Variants in TEK observed in about 807,000 individuals in gnomAD.
The protein encoded by TEK is TEK receptor tyrosine kinase, also known as angiopoietin-1 receptor.
In TEK, 43 loss-of-function variants were observed where a neutral mutation model predicts 131.8. The ratio of observed to expected loss-of-function variants is 0.33; its 90% CI spans 0.26 to 0.42. The LOEUF is 0.42. Among genes scored for constraint, TEK ranks in the 10% least tolerant of loss-of-function variants. The pLI, the probability that TEK is intolerant of heterozygous loss-of-function variation, is 1.00. For synonymous variants in TEK, 580 were observed against 491.6 expected (o/e 1.18, Z -2.38); for missense variants, 1,162 against 1,384.4 (o/e 0.84, Z 2.55).
At chr9:27,127,820 G>T (rs1423033647) in intron 1 of TEK, among the ~76,000 whole-genome samples, 2 of 152,168 alleles carry the variant, frequency 1.3e-5, no homozygotes, top group Non-Finnish European at 2.9e-5. Flanking sequence ...TTTTGATGGG[G>T]TTGTTTGATT....
At chr9:27,226,598 T>A (rs2131262827) in intron 21 of TEK, among the ~76,000 whole-genome samples, 1 of 152,056 alleles carries the variant, frequency 6.6e-6, no homozygotes, top group Middle Eastern at 3.4e-3. Context: ...AGGGGAGGGA[T>A]AGCATTAGGA....
chr9:27,173,523 T>C (rs1021122428), intron 6 of TEK, among the ~76,000 whole-genome samples, 161 bp downstream of exon 6: 6 of 152,194 alleles, frequency 3.9e-5, no homozygotes, highest in Non-Finnish European at 7.3e-5. Flanking sequence ...CAATGTTAAT[T>C]ATACTTTCAC....
chr9:27,138,181 AT>A (rs1822570935), intron 1 of TEK, among the ~76,000 whole-genome samples: 1 of 152,210 alleles, frequency 6.6e-6, no homozygotes, highest in Admixed American at 6.5e-5. Context: ...CAGCAGCAAG[AT>A]TTATTGTGAA....
rs541493547 is a variant in TEK at position 27,142,061 on chromosome 9, A to G, written c.53-15770A>G. ...GAAATAATGTCACAATGTCCAGGAA[A>G]GGAAAGCTTGCAGGGAGTTTGGGGC... On this transcript the variant is annotated intron_variant, in intron 1 of 22. Coordinates refer to ENST00000380036, the MANE Select transcript of TEK (RefSeq NM_000459.5). Among the ~76,000 whole-genome samples the G allele has an allele frequency of 2.0e-5, 3 of 152,346 alleles. No individual in the cohort carries two copies. In the South Asian group the frequency reaches 6.2e-4, roughly 32 times the overall value.
At chr9:27,126,889 C>T (rs1489656962) in intron 1 of TEK, among the ~76,000 whole-genome samples, 1 of 152,166 alleles carries the variant, frequency 6.6e-6, no homozygotes, top group South Asian at 2.1e-4. Flanking sequence ...TCCTCACTCA[C>T]ACCCATTACA....
intron 6 of TEK, among the ~76,000 whole-genome samples, chr9:27,175,976 A>G (rs1173685537): frequency 1.3e-5 from 2 of 152,162 alleles, no homozygotes; most frequent in Non-Finnish European, 2.9e-5. Flanking sequence ...GCCCAGGTTT[A>G]TAAGAGTACA....
chr9:27,196,227 G>T (rs915824207), intron 11 of TEK, among the ~76,000 whole-genome samples: 6 of 152,098 alleles, frequency 3.9e-5, no homozygotes, highest in Non-Finnish European at 8.8e-5. Context: ...ACATGTACTT[G>T]AAGTCTCTTT....
At chr9:27,173,164 A>G (rs1428701018) in intron 5 of TEK, 58 bp from the exon 6 acceptor site, 6 of 1,601,946 alleles carry the variant, frequency 3.7e-6, no homozygotes, top group Non-Finnish European at 5.1e-6. Flanking sequence ...CTAAAGAATT[A>G]TGTATTTCAA....
chr9:27,223,007 G>A (rs1386476782), intron 21 of TEK, among the ~76,000 whole-genome samples: 2 of 151,958 alleles, frequency 1.3e-5, no homozygotes, highest in South Asian at 4.2e-4. Context: ...AACCAACAAA[G>A]ATCAAAGGAG....
At chr9:27,200,396 TAAAC>T (rs1825173969) in intron 12 of TEK, among the ~76,000 whole-genome samples, 1 of 152,192 alleles carries the variant, frequency 6.6e-6, no homozygotes, top group African/African-American at 2.4e-5. Flanking sequence ...TTTATAGGAT[TAAAC>T]AAAAACTAGT....
At chr9:27,136,721 A>T (rs949861594) in intron 1 of TEK, among the ~76,000 whole-genome samples, 7 of 152,136 alleles carry the variant, frequency 4.6e-5, no homozygotes, top group Non-Finnish European at 7.3e-5. Context: ...AGTCTCCCCT[A>T]TCTGTTCAAG....
At chr9:27,132,289 T>C (rs1373539099) in intron 1 of TEK, among the ~76,000 whole-genome samples, 1 of 152,064 alleles carries the variant, frequency 6.6e-6, no homozygotes, top group Admixed American at 6.5e-5. Flanking sequence ...GGTTTCACCA[T>C]GTTGGTCAGG....
intron 2 of TEK, among the ~76,000 whole-genome samples, chr9:27,165,061 T>A (rs1823676674): frequency 6.6e-6 from 1 of 152,184 alleles, no homozygotes; most frequent in African/African-American, 2.4e-5. Context: ...GAGACATTCA[T>A]GCAGAGGTAA....
At chr9:27,218,130 T>TTGGGG (rs9298888) in intron 19 of TEK, among the ~76,000 whole-genome samples, 4,349 of 138,888 alleles carry the variant, frequency 0.031, 192 homozygotes, top group African/African-American at 0.075. Flanking sequence ...GGCCAGACAG[T>TTGGGG]GGCGGGGGTC....
chr9:27,114,687 C>T (rs528187028), intron 1 of TEK, among the ~76,000 whole-genome samples: 97 of 152,228 alleles, frequency 6.4e-4, no homozygotes, highest in African/African-American at 2.1e-3. Context: ...GATATTCACT[C>T]TCATCTTAAA....
At chr9:27,158,268 T>A in intron 2 of TEK, 126 bp downstream of exon 2, 1 of 1,148,412 alleles carries the variant, frequency 8.7e-7, no homozygotes, top group Non-Finnish European at 1.3e-6. Context: ...CGATCTTGCC[T>A]GTCTCTTTCC....
intron 6 of TEK, among the ~76,000 whole-genome samples, chr9:27,178,498 A>T (rs902447689): frequency 1.3e-5 from 2 of 152,130 alleles, no homozygotes; most frequent in Admixed American, 1.3e-4. Flanking sequence ...TCTGTGAAAA[A>T]TACCATTGCA....
rs371936891 is a variant in TEK, at chr9:27,209,115, T to C, written c.2576-6T>C. 77 of 1,606,588 alleles carry C rather than the reference T, an allele frequency of 4.8e-5. No individual in the cohort carries two copies. Among genetic ancestry groups the C allele is most frequent in the Non-Finnish European group, 5.8e-5 (68 of 1,173,322 alleles). On this transcript the variant is annotated splice_polypyrimidine_tract_variant and splice_region_variant and intron_variant, in intron 15 of 22. Coordinates refer to ENST00000380036, the MANE Select transcript of TEK (RefSeq NM_000459.5). ...GAAGAATCACAACCCTTGACTTTCT[T>C]CCCAGAATATGCCTCCAAAGATGAT...
At chr9:27,109,696 G>A in intron 1 of TEK, 54 bp downstream of exon 1, 1 of 1,580,742 alleles carries the variant, frequency 6.3e-7, no homozygotes, top group Non-Finnish European at 8.7e-7. Flanking sequence ...CAGAGTTAGT[G>A]ATTTCTGGGT....
Sources: allele counts gnomAD v4.1 joint callset (sites outside exome capture counted in the v4.1 genomes callset), GRCh38; gene constraint gnomAD v4.1.1; transcripts MANE v1.5; gene names NCBI Gene and HGNC (gene_info 2026-07-23, HGNC 2026-07-21).